The following RBFOX1 variants were observed in gnomAD, a reference collection of about 807,000 sequenced individuals.
The protein encoded by RBFOX1 is RNA binding protein fox-1 homolog 1.
In RBFOX1, 8 loss-of-function variants were observed where a neutral mutation model predicts 57.7. The observed-to-expected ratio is 0.14, with a 90% CI of 0.08 to 0.25. RBFOX1 has a LOEUF of 0.25. RBFOX1 is among the 10% of genes least tolerant of loss of function. The pLI, the probability that RBFOX1 is intolerant of heterozygous loss-of-function variation, is 1.00. For synonymous variants in RBFOX1, 326 were observed against 222.4 expected (o/e 1.47, Z -4.15); for missense variants, 611 against 548.5 (o/e 1.11, Z -1.14).
At chr16:5,640,533 C>T (rs1355781131) in intron 3 of RBFOX1, among the ~76,000 whole-genome samples, 1 of 151,720 alleles carries the variant, frequency 6.6e-6, no homozygotes, top group Non-Finnish European at 1.5e-5. Flanking sequence ...CATGCACATA[C>T]ACACATGCAC....
intron 1 of RBFOX1, among the ~76,000 whole-genome samples, chr16:6,311,413 C>G (rs1220538678): frequency 6.6e-6 from 1 of 151,622 alleles, no homozygotes; most frequent in Non-Finnish European, 1.5e-5. Context: ...GAACGCTCAT[C>G]ACAGAGACCA....
At chr16:6,691,574 T>G (rs944870654) in intron 3 of RBFOX1, among the ~76,000 whole-genome samples, 7 of 152,214 alleles carry the variant, frequency 4.6e-5, no homozygotes. Context: ...TATCATTTGA[T>G]ATCATCTTTA....
chr16:5,501,042 G>A (rs1490737310), intron 2 of RBFOX1, among the ~76,000 whole-genome samples: 2 of 151,994 alleles, frequency 1.3e-5, no homozygotes, highest in African/African-American at 4.8e-5. Flanking sequence ...ACGGCCAGGC[G>A]CGGTGTTTCA....
chr16:6,277,825 T>C (rs547204987), intron 1 of RBFOX1, among the ~76,000 whole-genome samples: 16 of 152,094 alleles, frequency 1.1e-4, no homozygotes, highest in Non-Finnish European at 2.2e-4. Flanking sequence ...AAGATTCTGA[T>C]TGCGATTAGG....
At chr16:7,551,088 C>CA (rs539169022) in intron 5 of RBFOX1, among the ~76,000 whole-genome samples, 17,049 of 76,266 alleles carry the variant, frequency 0.22, 1,614 homozygotes, top group East Asian at 0.44. Context: ...GAGCGAGACT[C>CA]AAAAAAAAAA....
At chr16:7,080,063 ATATATACATATATACATATGTATATATG>A (rs1567182800) in intron 4 of RBFOX1, among the ~76,000 whole-genome samples, 14 of 139,290 alleles carry the variant, frequency 1.0e-4, no homozygotes, top group African/African-American at 3.4e-4. Flanking sequence ...TACATATTAT[ATATATACATATATACATATGTATATATG>A]TATATATATA....
chr16:7,596,099 TTTTTG>T (rs1489578559), intron 8 of RBFOX1, among the ~76,000 whole-genome samples: 4,407 of 140,212 alleles, frequency 0.031, 229 homozygotes, highest in African/African-American at 0.12. Flanking sequence ...TGTTTGTTTT[TTTTTG>T]TTTGTTTGTT....
intron 1 of RBFOX1, among the ~76,000 whole-genome samples, chr16:6,125,197 C>A (rs1046844015): frequency 6.6e-6 from 1 of 152,182 alleles, no homozygotes; most frequent in Non-Finnish European, 1.5e-5. Flanking sequence ...ACAGTCATAT[C>A]TTTGTCAAGC....
chr16:6,799,787 C>T (rs574973631), intron 3 of RBFOX1, among the ~76,000 whole-genome samples: 4 of 152,214 alleles, frequency 2.6e-5, no homozygotes, highest in African/African-American at 7.2e-5. Flanking sequence ...CTGGACTTAA[C>T]ACCAGTGGTT....
At chr16:6,792,521 A>G (rs1037031436) in intron 3 of RBFOX1, among the ~76,000 whole-genome samples, 10 of 152,144 alleles carry the variant, frequency 6.6e-5, no homozygotes, top group Admixed American at 2.0e-4. Context: ...TTTTATTTCA[A>G]TTTCATATAA....
rs148966356 is a variant in RBFOX1 at position 7,710,506 on chromosome 16, G to A, written c.1072-117G>A. The A allele has an allele frequency of 1.2e-3, 1,825 of 1,570,246 alleles. 22 individuals are homozygous for A. The South Asian group carries it at 0.015, about 13-fold the overall frequency. On this transcript the variant is annotated intron_variant, in intron 15 of 15. Coordinates refer to ENST00000550418, the MANE Select transcript of RBFOX1 (RefSeq NM_018723.4). ...CCAAGAATGACCTGGGATGGGTAGG[G>A]GGTGCCTCCATTTCGGTTGGTTTTG...
chr16:6,454,059 T>C (rs2094700591), intron 2 of RBFOX1, among the ~76,000 whole-genome samples: 1 of 152,212 alleles, frequency 6.6e-6, no homozygotes, highest in African/African-American at 2.4e-5. Flanking sequence ...TCTTTCTGTG[T>C]CTGTGTCTTT....
intron 1 of RBFOX1, among the ~76,000 whole-genome samples, chr16:6,278,011 C>T (rs1306939342): frequency 6.6e-6 from 1 of 152,146 alleles, no homozygotes; most frequent in Admixed American, 6.5e-5. Flanking sequence ...TTGAGCTGAA[C>T]GAATTAAAAT....
At chr16:7,388,268 C>G (rs548078059) in intron 4 of RBFOX1, among the ~76,000 whole-genome samples, 1 of 152,006 alleles carries the variant, frequency 6.6e-6, no homozygotes, top group East Asian at 1.9e-4. Flanking sequence ...ATGATGTGTT[C>G]GGGAAAATCC....
chr16:7,160,766 C>G (rs1286390980), intron 4 of RBFOX1, among the ~76,000 whole-genome samples: 1 of 151,514 alleles, frequency 6.6e-6, no homozygotes, highest in African/African-American at 2.4e-5. Context: ...CCTCCTCCTC[C>G]TCCGCCTCCC....
chr16:5,460,610 C>T (rs926212341), intron 1 of RBFOX1, among the ~76,000 whole-genome samples: 4 of 152,302 alleles, frequency 2.6e-5, no homozygotes, highest in African/African-American at 9.6e-5. Context: ...TGACAGTGCT[C>T]CTTGTCACAG....
At chr16:5,531,261 G>T (rs2044467521) in intron 2 of RBFOX1, among the ~76,000 whole-genome samples, 1 of 152,218 alleles carries the variant, frequency 6.6e-6, no homozygotes, top group Non-Finnish European at 1.5e-5. Context: ...CCAGCAAAGG[G>T]ATGGGGTGGG....
At chr16:5,762,442 G>C (rs1236930903) in intron 3 of RBFOX1, among the ~76,000 whole-genome samples, 1 of 151,846 alleles carries the variant, frequency 6.6e-6, no homozygotes, top group Non-Finnish European at 1.5e-5. Context: ...CAGGCTGGTA[G>C]AAATACAACG....
At chr16:6,155,428 A>G (rs1171916995) in intron 1 of RBFOX1, among the ~76,000 whole-genome samples, 3 of 152,222 alleles carry the variant, frequency 2.0e-5, no homozygotes, top group Non-Finnish European at 2.9e-5. Flanking sequence ...AGAGACCTCA[A>G]GATGTACAGC....
Sources: gnomAD v4.1 joint callset for allele counts (sites outside exome capture counted in the v4.1 genomes callset) on GRCh38, gnomAD v4.1.1 for gene constraint, MANE v1.5 for transcripts, NCBI Gene and HGNC (gene_info 2026-07-23, HGNC 2026-07-21) for gene names.